ZNF423: variants seen among roughly 807,000 people sequenced by gnomAD.
ZNF423 encodes zinc finger protein 423, also known as Ebf-associated zinc finger protein.
ZNF423 carries 12 observed loss-of-function variants against 95.8 expected under a neutral mutation model. The ratio of observed to expected loss-of-function variants is 0.13; its 90% CI spans 0.08 to 0.20. The LOEUF (loss-of-function observed/expected upper bound fraction) is 0.20. Ranked by LOEUF, ZNF423 falls within the 10% of genes least tolerant of loss-of-function variation. The probability of loss-of-function intolerance (pLI) is 1.00; values close to 1 mark genes in which losing one functional copy is unlikely to be tolerated. For synonymous variants in ZNF423, 749 were observed against 711.9 expected, an observed-to-expected ratio of 1.05 and a Z score of -0.83; for missense variants, 1,316 against 1,737.1, an observed-to-expected ratio of 0.76 and a Z score of 4.31.
chr16:49,849,904 C>T (rs567342922), intron 1 of ZNF423, among the ~76,000 whole-genome samples: 1 of 152,332 alleles, frequency 6.6e-6, no homozygotes, highest in East Asian at 1.9e-4. Flanking sequence ...GAGGCCGTCC[C>T]GCTGTCAGCG....
intron 1 of ZNF423, among the ~76,000 whole-genome samples, chr16:49,845,636 G>A (rs577868905): frequency 6.6e-6 from 1 of 151,970 alleles, no homozygotes; most frequent in South Asian, 2.1e-4. Context: ...AACCTTCCGG[G>A]CTCAGGTGAT....
chr16:49,816,214 T>C (rs1287255889), intron 1 of ZNF423, among the ~76,000 whole-genome samples: 2 of 152,006 alleles, frequency 1.3e-5, no homozygotes, highest in Non-Finnish European at 2.9e-5. Context: ...CCACTGTGCC[T>C]AGCCAAAAAC....
chr16:49,643,200 C>G (rs1019875193), intron 3 of ZNF423, among the ~76,000 whole-genome samples: 1 of 152,022 alleles, frequency 6.6e-6, no homozygotes, highest in Non-Finnish European at 1.5e-5. Flanking sequence ...CAACTGTGGC[C>G]AAGGCAATCC....
intron 7 of ZNF423, among the ~76,000 whole-genome samples, chr16:49,519,154 T>C (rs1968281013): frequency 6.6e-6 from 1 of 152,192 alleles, no homozygotes; most frequent in African/African-American, 2.4e-5. Flanking sequence ...TGTACCAATG[T>C]AACACATGAC....
chr16:49,843,681 T>G (rs1311394159), intron 1 of ZNF423, among the ~76,000 whole-genome samples: 1 of 152,026 alleles, frequency 6.6e-6, no homozygotes, highest in African/African-American at 2.4e-5. Context: ...AGGAGAGAAA[T>G]GAAGGAATCT....
intron 7 of ZNF423, among the ~76,000 whole-genome samples, chr16:49,508,513 T>TAAAAAAA (rs35061120): frequency 3.9e-5 from 4 of 101,896 alleles, no homozygotes; most frequent in African/African-American, 1.5e-4. Context: ...TTCTCTTTCT[T>TAAAAAAA]AAAAAAAAAA....
intron 2 of ZNF423, among the ~76,000 whole-genome samples, chr16:49,770,579 C>A (rs1203440261): frequency 2.6e-5 from 4 of 151,974 alleles, no homozygotes; most frequent in African/African-American, 9.7e-5. Flanking sequence ...ACAGGCCCCC[C>A]CAGAAGACTC....
intron 3 of ZNF423, among the ~76,000 whole-genome samples, chr16:49,648,438 T>G (rs1359660747): frequency 1.2e-4 from 18 of 145,002 alleles, no homozygotes; most frequent in African/African-American, 4.6e-4. Flanking sequence ...GGTCGGGAGT[T>G]CGAGACCAGC....
intron 4 of ZNF423, among the ~76,000 whole-genome samples, chr16:49,634,692 C>G (rs1178920322): frequency 6.6e-6 from 1 of 152,210 alleles, no homozygotes; most frequent in Non-Finnish European, 1.5e-5. Flanking sequence ...CTGAGATCCG[C>G]CTGGCACCTC....
At chr16:49,822,600 C>T in intron 1 of ZNF423, 1 of 1,320,032 alleles carries the variant, frequency 7.6e-7, no homozygotes, top group Non-Finnish European at 1.1e-6. Flanking sequence ...GAACTAAGCT[C>T]TAGTTCGAGC....
Position 49,853,835 on chromosome 16 carries a change from C to T in ZNF423, c.40+1900G>A, listed in dbSNP as rs1039234634. ...TGCTCTCCTTTTGCTTTCTGGGTCT[C>T]GCCGTCTAACGTAAGGAGGTTTGGA... On this transcript the variant is annotated intron_variant, in intron 1 of 7. Coordinates refer to ENST00000563137, the MANE Select transcript of ZNF423 (RefSeq NM_001379286.1). 7 of 985,256 alleles carry T rather than the reference C, an allele frequency of 7.1e-6. No individual in the cohort carries two copies. In the South Asian group the frequency reaches 1.9e-4, roughly 26 times the overall value. The allele number at this position is 985,256 out of a possible 1,614,324, so 61.0% of individuals were successfully genotyped here. A position where few individuals can be genotyped will look rare whatever the true frequency, so the allele number is the denominator to read the frequency against.
At chr16:49,656,993 G>A (rs377337111) in intron 3 of ZNF423, among the ~76,000 whole-genome samples, 2 of 152,146 alleles carry the variant, frequency 1.3e-5, no homozygotes, top group South Asian at 2.1e-4. Context: ...TAACCACCGC[G>A]GGATATGAGT....
At chr16:49,821,572 G>C (rs191670946) in intron 1 of ZNF423, among the ~76,000 whole-genome samples, 1 of 152,168 alleles carries the variant, frequency 6.6e-6, no homozygotes, top group Non-Finnish European at 1.5e-5. Context: ...GATGAACGGA[G>C]GGTCTCACTC....
intron 5 of ZNF423, among the ~76,000 whole-genome samples, chr16:49,564,084 T>C (rs181067547): frequency 7.2e-5 from 11 of 152,348 alleles, no homozygotes; most frequent in Admixed American, 6.5e-4. Context: ...CTGCAGCTGA[T>C]GGACTGCACA....
At chr16:49,625,736 G>A (rs1480110460) in intron 5 of ZNF423, among the ~76,000 whole-genome samples, 1 of 152,234 alleles carries the variant, frequency 6.6e-6, no homozygotes. Context: ...CACTTGAAGA[G>A]GAATGGGAAA....
rs1357123583 is a variant in ZNF423 at position 49,492,577 on chromosome 16, C to A, written c.3850-1273G>T. 6.6e-6 allele frequency among the ~76,000 whole-genome samples: 1 copy of A among 152,176 alleles called. No individual in the cohort carries two copies. Among genetic ancestry groups the A allele is most frequent in the Non-Finnish European group, 1.5e-5 (1 of 68,020 alleles). On this transcript the variant is annotated intron_variant, in intron 7 of 7. Transcript: ENST00000563137. The surrounding 1 kb of genome is among the most constrained non-coding windows in gnomAD (Gnocchi z 4.2). ...GTGACGGGCACTGCGAAGGCTGCGG[C>A]CCCCGTGGTAATGTCACCGACCCTT...
intron 3 of ZNF423, among the ~76,000 whole-genome samples, chr16:49,677,084 G>A (rs1001416602): frequency 2.7e-5 from 4 of 150,826 alleles, no homozygotes; most frequent in African/African-American, 7.3e-5. Context: ...CTGGCGTGGT[G>A]GTGCGTGTCT....
intron 7 of ZNF423, among the ~76,000 whole-genome samples, chr16:49,502,939 CACACAT>C (rs1461496508): frequency 1.7e-5 from 2 of 116,802 alleles, no homozygotes; most frequent in East Asian, 5.4e-4. Flanking sequence ...CACACACACA[CACACAT>C]GGATGCCCCA....
intron 3 of ZNF423, among the ~76,000 whole-genome samples, chr16:49,714,117 G>A (rs1596904775): frequency 1.3e-5 from 2 of 152,346 alleles, no homozygotes; most frequent in South Asian, 4.1e-4. Flanking sequence ...CCCATCCCCA[G>A]GAGCCGGAGC....
Sources: allele counts gnomAD v4.1 joint callset (sites outside exome capture counted in the v4.1 genomes callset), GRCh38; gene constraint gnomAD v4.1.1; non-coding constraint Gnocchi (gnomAD v3.1); transcripts MANE v1.5; gene names NCBI Gene and HGNC (gene_info 2026-07-23, HGNC 2026-07-21).